ZNF318: variants seen among roughly 807,000 people sequenced by gnomAD.
ZNF318 encodes endocrine regulator.
ZNF318 carries 51 observed loss-of-function variants against 124.2 expected under a neutral mutation model. The observed-to-expected ratio is 0.41, with a 90% CI of 0.33 to 0.52. The LOEUF is 0.52. ZNF318 is among the 20% of genes least tolerant of loss of function. The pLI is 0.23. For synonymous variants in ZNF318, 1,090 were observed against 1,040.7 expected, an observed-to-expected ratio of 1.05 and a Z score of -0.91; for missense variants, 2,815 against 2,811.2, an observed-to-expected ratio of 1.00 and a Z score of -0.03.
In ZNF318 at chr6:43,340,852, A is replaced by C. The variant is rs769138468; in HGVS notation, c.3433T>G (p.Leu1145Val). ...TGCTCCCCAGAAATTGGATCCCCCA[A>C]AAATTCCTCACAGAGCTGGCAATAA... ...GFYCQLCEEF[L>V]GDPISGEQHV... Residue 1145 changes from leucine (L) to valine (V), a missense_variant, in exon 9 of 10, where the codon TTG becomes GTG. Leu to Val is a conservative substitution (Grantham distance 32, BLOSUM62 1). Transcript: ENST00000361428. 1.9e-6 allele frequency: 3 copies of C among 1,614,090 alleles called. No homozygotes were observed. The highest frequency in any genetic ancestry group is 2.5e-6 in the Non-Finnish European group (3 of 1,180,032).
chr6:43,368,891 G>A (rs1320343086), intron 1 of ZNF318, 76 bp downstream of exon 1: 3 of 1,276,426 alleles, frequency 2.4e-6, no homozygotes, highest in African/African-American at 1.5e-5. Flanking sequence ...TGGAGGCCCC[G>A]GGCGTTTCTG....
At position 43,338,929 on chromosome 6, in the gene ZNF318, G is replaced by T. The variant is rs182185374; in HGVS notation, c.5069C>A (p.Thr1690Asn). 1 of 1,614,126 alleles carries T rather than the reference G, an allele frequency of 6.2e-7. No individual in the cohort carries two copies. The highest frequency in any genetic ancestry group is 1.3e-5 in the African/African-American group (1 of 75,044). ...TATGGCCAAAGTGTCTGTCTTTGGG[G>T]TAATTGTTTCATAAGGCCTGCTTTG... Reference protein sequence around the residue: ...LCQSRPYETITPKTDTLAIWT... With the variant: ...LCQSRPYETINPKTDTLAIWT... The change falls in exon 10 of 10, where the codon ACC becomes AAC. Residue 1690 changes from threonine to asparagine, a missense_variant. Transcript: ENST00000361428.
Position 43,337,236 on chromosome 6 carries a change from C to T in ZNF318, c.6762G>A (p.Met2254Ile), listed in dbSNP as rs749324573. The change falls in exon 10 of 10, where the codon ATG becomes ATA. Residue 2254 changes from methionine (M) to isoleucine (I), a missense_variant. By Grantham distance (10) the Met-to-Ile change is conservative. This residue lies in a region of ZNF318 where 927 missense variants were observed against 820.6 expected (regional missense o/e 1.13). Transcript: ENST00000361428. ...PPREQVIEDNMVPQGMPEQET... is the reference protein window; with the variant it reads ...PPREQVIEDNIVPQGMPEQET... ...CCTGTTCAGGCATTCCCTGAGGGAC[C>T]ATATTGTCTTCAATTACCTGCTCCC... 6.2e-7 allele frequency: 1 copy of T among 1,614,120 alleles called. No homozygotes were observed. The highest frequency in any genetic ancestry group is 2.2e-5 in the East Asian group (1 of 44,878).
At chr6:43,345,890 A>C (rs1210438071) in intron 6 of ZNF318, among the ~76,000 whole-genome samples, 1 of 151,834 alleles carries the variant, frequency 6.6e-6, no homozygotes, top group African/African-American at 2.4e-5. Context: ...GAGGATCATC[A>C]CTTGAGCCTA....
intron 6 of ZNF318, among the ~76,000 whole-genome samples, chr6:43,343,988 G>A (rs1441941576): frequency 6.6e-6 from 1 of 152,010 alleles, no homozygotes; most frequent in Non-Finnish European, 1.5e-5. Flanking sequence ...GAGAATTTTG[G>A]TTAATGTTCA....
At chr6:43,346,598 C>T (rs892414361) in intron 6 of ZNF318, among the ~76,000 whole-genome samples, 4 of 144,446 alleles carry the variant, frequency 2.8e-5, no homozygotes, top group African/African-American at 7.8e-5. Context: ...AATAAGACAA[C>T]GAAATAAATT....
chr6:43,352,080 G>A (rs1779533379), intron 5 of ZNF318, among the ~76,000 whole-genome samples: 1 of 125,372 alleles, frequency 8.0e-6, no homozygotes, highest in Non-Finnish European at 1.6e-5. Context: ...GGGGACAGAG[G>A]TTGTAGTGAG....
chr6:43,352,568 T>C, intron 4 of ZNF318, 92 bp from the exon 5 acceptor site: 1 of 1,159,582 alleles, frequency 8.6e-7, no homozygotes, highest in Non-Finnish European at 1.3e-6. Flanking sequence ...AGACATTATC[T>C]GAATGTAAGG....
intron 2 of ZNF318, among the ~76,000 whole-genome samples, chr6:43,360,006 A>C (rs1779659952): frequency 6.6e-6 from 1 of 152,226 alleles, no homozygotes; most frequent in South Asian, 2.1e-4. Context: ...GAGTCACTCC[A>C]TTGCCAAAAC....
intron 7 of ZNF318, 34 bp downstream of exon 7, chr6:43,342,642 T>C (rs2150749758): frequency 1.2e-6 from 2 of 1,601,064 alleles, no homozygotes; most frequent in Non-Finnish European, 1.7e-6. Context: ...AGAGTGAGGG[T>C]GGGAGTGAAA....
At position 43,357,367 on chromosome 6, in the gene ZNF318, C is replaced by T. The variant is rs370601139; in HGVS notation, c.947G>A (p.Arg316Gln). 3.7e-6 allele frequency: 6 copies of T among 1,614,038 alleles called. No homozygotes were observed. The highest frequency in any genetic ancestry group is 2.2e-5 in the South Asian group (2 of 91,086). Residue 316 changes from arginine to glutamine, a missense_variant, in exon 3 of 10, where the codon CGA (arginine) becomes CAA (glutamine). Arg to Gln is a conservative substitution (Grantham distance 43). Coordinates refer to ENST00000361428, the MANE Select transcript of ZNF318 (RefSeq NM_014345.3). ...PSPRFLDPEF[R>Q]ELDLARRKRE... ...CTTTCGTCTGGCAAGATCCAGTTCTCGAAACTCAGGGTCGAGAAACCTAGG... is the reference window on the plus strand; with the variant it reads ...CTTTCGTCTGGCAAGATCCAGTTCTTGAAACTCAGGGTCGAGAAACCTAGG...
intron 8 of ZNF318, among the ~76,000 whole-genome samples, chr6:43,341,262 A>T (rs1233131184): frequency 1.3e-5 from 2 of 152,216 alleles, no homozygotes; most frequent in Non-Finnish European, 2.9e-5. Context: ...CCATTTTATG[A>T]TGATCTCTCA....
In ZNF318 at chr6:43,338,358, T is replaced by A; in HGVS notation, c.5640A>T (p.Pro1880=). The A allele has an allele frequency of 6.2e-7, 1 of 1,614,190 alleles. No individual in the cohort carries two copies. The highest frequency in any genetic ancestry group is 1.3e-5 in the African/African-American group (1 of 75,048). The part of the protein sequence containing the change: ...FLSEARSLLN[P]QDTPVKISAP... ...CAGAAATTTTCACAGGTGTATCTTG[T>A]GGGTTGAGTAAAGACCTAGCTTCTG... Residue 1880 remains proline (P), a synonymous_variant, in exon 10 of 10, where the codon CCA becomes CCT. Coordinates refer to ENST00000361428, the MANE Select transcript of ZNF318 (RefSeq NM_014345.3).
At chr6:43,343,177 G>A (rs540412779) in intron 6 of ZNF318, among the ~76,000 whole-genome samples, 22 of 152,268 alleles carry the variant, frequency 1.4e-4, no homozygotes, top group Middle Eastern at 3.4e-3. Context: ...GGCTGCCTCT[G>A]GGGAAGGGAA....
Position 43,354,963 on chromosome 6 carries a change from A to G in ZNF318, c.2371T>C (p.Tyr791His). Residue 791 changes from tyrosine to histidine, a missense_variant, in exon 4 of 10, where the codon TAT becomes CAT. Physicochemically the swap from Tyr to His is moderately conservative, Grantham distance 83. This residue lies in a region of ZNF318 where 1,377 missense variants were observed against 1,353.5 expected (regional missense o/e 1.02). Transcript: ENST00000361428. ...PAIPPASFDA[Y>H]RHYMAYAASR... ...GCTGCATATGCCATGTAGTGCCTAT[A>G]GGCATCAAAAGAGGCAGGGGGAATG... is the stretch of plus-strand genomic sequence containing the variant. 1.2e-6 allele frequency: 2 copies of G among 1,609,910 alleles called. No individual in the cohort carries two copies.
chr6:43,340,987 C>T, intron 8 of ZNF318, 79 bp from the exon 9 acceptor site: 3 of 1,050,256 alleles, frequency 2.9e-6, no homozygotes, highest in Admixed American at 1.7e-5. Flanking sequence ...TCCCACCACC[C>T]CTTTGCAGTA....
At chr6:43,349,627 G>A (rs931020188) in intron 5 of ZNF318, among the ~76,000 whole-genome samples, 2 of 152,116 alleles carry the variant, frequency 1.3e-5, no homozygotes, top group Non-Finnish European at 2.9e-5. Context: ...TCCAAACCCA[G>A]ACAGAAGCAA....
rs751193839 is a variant in ZNF318, at chr6:43,338,123, A to T, written c.5875T>A (p.Trp1959Arg). Residue 1959 changes from tryptophan (W) to arginine (R), a missense_variant, in exon 10 of 10, where the codon TGG becomes AGG. By Grantham distance (101) the Trp-to-Arg change is moderately radical. Coordinates refer to ENST00000361428, the MANE Select transcript of ZNF318 (RefSeq NM_014345.3). ...TCTGGCCTCTTCTTGTTTTCATCCCAAACAGCCAACTCATAGATCTTTTTA... is the reference window on the plus strand; with the variant it reads ...TCTGGCCTCTTCTTGTTTTCATCCCTAACAGCCAACTCATAGATCTTTTTA... ...QVKKIYELAV[W>R]DENKKRPETW... The T allele has an allele frequency of 6.2e-7, 1 of 1,613,362 alleles. No homozygotes were observed. Among genetic ancestry groups the T allele is most frequent in the South Asian group, 1.1e-5 (1 of 90,930 alleles).
chr6:43,339,430 C>T lies in ZNF318; in HGVS notation c.4568G>A (p.Ser1523Asn). Residue 1523 changes from serine (S) to asparagine (N), a missense_variant, in exon 10 of 10, where the codon AGT (serine) becomes AAT (asparagine). Ser to Asn is a conservative substitution (Grantham distance 46, BLOSUM62 1). Transcript: ENST00000361428. The surrounding 1 kb of genome is among the most constrained non-coding windows in gnomAD (Gnocchi z 4.2). The stretch of plus-strand genomic sequence containing the variant: ...CAGGGTCTGGTCTCGGTCACTCTCA[C>T]TCACCCCAGGAGCTGTCTCATCAGA... ...IPSDETAPGV[S>N]ESDRDQTLFS... 6.2e-7 allele frequency: 1 copy of T among 1,613,666 alleles called. No homozygotes were observed. The highest frequency in any genetic ancestry group is 8.5e-7 in the Non-Finnish European group (1 of 1,179,894).
Sources: gnomAD v4.1 joint callset for allele counts (sites outside exome capture counted in the v4.1 genomes callset) on GRCh38, gnomAD v4.1.1 for gene constraint, gnomAD v4.1.1 regional missense constraint, Gnocchi (gnomAD v3.1) non-coding constraint, MANE v1.5 for transcripts, NCBI Gene and HGNC (gene_info 2026-07-23, HGNC 2026-07-21) for gene names.